The following NRXN1 variants were observed in gnomAD, a reference collection of about 807,000 sequenced individuals.
NRXN1 encodes the protein neurexin-1.
NRXN1 carries 39 observed loss-of-function variants against 150.9 expected under a neutral mutation model. That is an observed-to-expected ratio of 0.26 (90% CI 0.20 to 0.34). The LOEUF is 0.34. NRXN1 is among the 10% of genes least tolerant of loss of function. The pLI is 1.00. For missense variants in NRXN1, 1,815 were observed against 1,949.9 expected (o/e 0.93, Z 1.30); for synonymous variants, 924 against 757.0 (o/e 1.22, Z -3.62).
chr2:50,794,364 ATGT>A, intron 5 of NRXN1, among the ~76,000 whole-genome samples: 1 of 152,232 alleles, frequency 6.6e-6, no homozygotes, highest in Admixed American at 6.5e-5. Context: ...TGTGAAATAG[ATGT>A]CCCTATCATA....
intron 17 of NRXN1, among the ~76,000 whole-genome samples, chr2:50,454,357 A>G (rs1573035785): frequency 6.6e-6 from 1 of 152,162 alleles, no homozygotes; most frequent in East Asian, 1.9e-4. Flanking sequence ...AAAAATAATT[A>G]ATATGATAAT....
At chr2:50,896,427 T>C (rs1235827738) in intron 5 of NRXN1, among the ~76,000 whole-genome samples, 13 of 152,082 alleles carry the variant, frequency 8.5e-5, no homozygotes. Flanking sequence ...AAACAATCAT[T>C]AAACTTTAAG....
At chr2:50,856,817 C>G (rs1675341127) in intron 5 of NRXN1, among the ~76,000 whole-genome samples, 1 of 152,068 alleles carries the variant, frequency 6.6e-6, no homozygotes, top group African/African-American at 2.4e-5. Flanking sequence ...AAGTTGTCTT[C>G]CACAGCAATA....
intron 17 of NRXN1, among the ~76,000 whole-genome samples, chr2:50,278,301 A>G (rs1441107296): frequency 7.9e-6 from 1 of 126,146 alleles, no homozygotes; most frequent in Non-Finnish European, 1.6e-5. Context: ...TATATAATAT[A>G]TATTTTATAT....
At chr2:50,722,668 T>G (rs1019188397) in intron 5 of NRXN1, among the ~76,000 whole-genome samples, 1 of 152,184 alleles carries the variant, frequency 6.6e-6, no homozygotes, top group African/African-American at 2.4e-5. Context: ...ATGTTTTGTA[T>G]AGTGAATATG....
intron 8 of NRXN1, among the ~76,000 whole-genome samples, chr2:50,605,338 A>G (rs57784997): frequency 0.034 from 5,244 of 152,258 alleles, 293 homozygotes; most frequent in African/African-American, 0.12. Flanking sequence ...TCCAGCATCT[A>G]GTCAGTGCTT....
At chr2:50,321,526 T>C (rs2076038013) in intron 17 of NRXN1, among the ~76,000 whole-genome samples, 1 of 152,274 alleles carries the variant, frequency 6.6e-6, no homozygotes, top group Admixed American at 6.5e-5. Flanking sequence ...CTTTATAAAT[T>C]TGTAGTGAGA....
chr2:50,872,544 G>C (rs1174714597), intron 5 of NRXN1, among the ~76,000 whole-genome samples: 1 of 151,638 alleles, frequency 6.6e-6, no homozygotes, highest in Non-Finnish European at 1.5e-5. Flanking sequence ...AGGTTGACGG[G>C]GCTACCATTT....
At chr2:50,415,140 G>C (rs1163865933) in intron 17 of NRXN1, among the ~76,000 whole-genome samples, 1 of 152,018 alleles carries the variant, frequency 6.6e-6, no homozygotes, top group Non-Finnish European at 1.5e-5. Flanking sequence ...TAGGCAATGA[G>C]TTTTAGTGCT....
At chr2:50,465,355 A>G (rs774695017) in intron 17 of NRXN1, 87 bp downstream of exon 17, 122 of 1,334,678 alleles carry the variant, frequency 9.1e-5, no homozygotes, top group Non-Finnish European at 1.2e-4. Flanking sequence ...CAGAGTTAAT[A>G]TAAGGACTTT....
At chr2:50,309,850 TA>T (rs111323440) in intron 17 of NRXN1, among the ~76,000 whole-genome samples, 3 of 151,828 alleles carry the variant, frequency 2.0e-5, no homozygotes, top group Non-Finnish European at 2.9e-5. Context: ...GCAGAGAAAC[TA>T]AAAAAAATGT....
chr2:50,752,640 A>G (rs1273122578), intron 5 of NRXN1, among the ~76,000 whole-genome samples: 1 of 151,850 alleles, frequency 6.6e-6, no homozygotes, highest in Non-Finnish European at 1.5e-5. Context: ...TAAATTTTAA[A>G]GCAGATTTCT....
intron 19 of NRXN1, among the ~76,000 whole-genome samples, chr2:50,062,373 T>G (rs1694678099): frequency 6.6e-6 from 1 of 152,136 alleles, no homozygotes; most frequent in Non-Finnish European, 1.5e-5. Context: ...TGGTCACCTG[T>G]GAAGAATGAA....
At chr2:49,995,479 G>A (rs1056483103) in intron 21 of NRXN1, among the ~76,000 whole-genome samples, 2 of 152,000 alleles carry the variant, frequency 1.3e-5, no homozygotes, top group Non-Finnish European at 2.9e-5. Flanking sequence ...ACCATCAGTA[G>A]ACCTTAAAGA....
chr2:50,099,036 A>G (rs1195207525), intron 18 of NRXN1, among the ~76,000 whole-genome samples: 1 of 151,972 alleles, frequency 6.6e-6, no homozygotes, highest in African/African-American at 2.4e-5. Context: ...AGGATAGTGT[A>G]TCTTTTCTAA....
chr2:50,012,090 TC>T (rs1211835049), intron 21 of NRXN1, among the ~76,000 whole-genome samples: 2 of 152,034 alleles, frequency 1.3e-5, no homozygotes, highest in Non-Finnish European at 1.5e-5. Context: ...TTCTGGATTT[TC>T]CCCCCATCTT....
chr2:50,464,692 G>A (rs932906023), intron 17 of NRXN1, among the ~76,000 whole-genome samples: 5 of 151,838 alleles, frequency 3.3e-5, no homozygotes, highest in Non-Finnish European at 7.4e-5. Context: ...TCTTAATATA[G>A]CAGAATGCAA....
In NRXN1 at chr2:51,027,905, G is replaced by A. The variant is rs879210752; in HGVS notation, c.369C>T (p.Phe123=). 1 of 1,609,686 alleles carries A rather than the reference G, an allele frequency of 6.2e-7. No homozygotes were observed. The highest frequency in any genetic ancestry group is 1.7e-5 in the Admixed American group (1 of 60,028). The change falls in exon 2 of 23, where the codon TTC becomes TTT. Residue 123 remains phenylalanine, a synonymous_variant. Transcript: ENST00000401669. Reference sequence around the variant, plus strand: ...GGTCGATGAAGAGCGTGGTGTTGCGGAACTGGCGGCGGATGCGCACGCTGT... The same window carrying A: ...GGTCGATGAAGAGCGTGGTGTTGCGAAACTGGCGGCGGATGCGCACGCTGT... ...AWHSVRIRRQ[F]RNTTLFIDQV...
chr2:50,673,977 T>C (rs1338334332), intron 5 of NRXN1, among the ~76,000 whole-genome samples: 1 of 151,976 alleles, frequency 6.6e-6, no homozygotes, highest in African/African-American at 2.4e-5. Flanking sequence ...AGGCATAGCA[T>C]AATGAGAAAT....
Sources: gnomAD v4.1 joint callset for allele counts (sites outside exome capture counted in the v4.1 genomes callset) on GRCh38, gnomAD v4.1.1 for gene constraint, MANE v1.5 for transcripts, NCBI Gene and HGNC (gene_info 2026-07-23, HGNC 2026-07-21) for gene names.